Variants in SLC7A11 observed in about 807,000 individuals in gnomAD.
The protein encoded by SLC7A11 is solute carrier family 7 member 11.
In SLC7A11, 35 loss-of-function variants were observed where a neutral mutation model predicts 54.5. That is an observed-to-expected ratio of 0.64 (90% CI 0.49 to 0.85). The LOEUF (loss-of-function observed/expected upper bound fraction) is 0.85. Among genes scored for constraint, SLC7A11 ranks in the 40% least tolerant of loss-of-function variants. The probability of loss-of-function intolerance (pLI) is 0.00; values close to 1 mark genes in which losing one functional copy is unlikely to be tolerated. For synonymous variants in SLC7A11, 230 were observed against 225.2 expected (o/e 1.02, Z -0.19); for missense variants, 583 against 618.1 (o/e 0.94, Z 0.60).
At chr4:138,208,091 C>T (rs367929337) in intron 6 of SLC7A11, among the ~76,000 whole-genome samples, 4 of 152,016 alleles carry the variant, frequency 2.6e-5, no homozygotes, top group African/African-American at 7.2e-5. Flanking sequence ...TTCACTTCTT[C>T]GAGGTTTTCA....
rs1327926264 is a variant in SLC7A11 at position 138,236,395 on chromosome 4, T to C, written c.334A>G (p.Thr112Ala). ...TTIKKSGGHY[T>A]YILEVFGPLP... ...GGACCAAAGACTTCCAAAATATATG[T>C]GTAATGACCTCCAGATTTCTTTATA... The change falls in exon 2 of 12, where the codon ACA becomes GCA. Residue 112 changes from threonine (T) to alanine (A), a missense_variant. Physicochemically the swap from Thr to Ala is moderately conservative, Grantham distance 58 (BLOSUM62 0). Coordinates refer to ENST00000280612, the MANE Select transcript of SLC7A11 (RefSeq NM_014331.4). 1 of 1,613,060 alleles carries C rather than the reference T, an allele frequency of 6.2e-7. No homozygotes were observed. Among genetic ancestry groups the C allele is most frequent in the Non-Finnish European group, 8.5e-7 (1 of 1,179,302 alleles).
At chr4:138,182,851 G>A (rs1736780454) in intron 8 of SLC7A11, among the ~76,000 whole-genome samples, 1 of 152,082 alleles carries the variant, frequency 6.6e-6, no homozygotes, top group Non-Finnish European at 1.5e-5. Context: ...AGGAAATACT[G>A]ATGGTAGGGG....
intron 4 of SLC7A11, among the ~76,000 whole-genome samples, chr4:138,219,859 T>C (rs1051275928): frequency 2.6e-5 from 4 of 152,180 alleles, no homozygotes; most frequent in Non-Finnish European, 4.4e-5. Flanking sequence ...TTATCCCATG[T>C]TGTTCATTAG....
intron 6 of SLC7A11, among the ~76,000 whole-genome samples, chr4:138,198,210 C>A (rs1416407077): frequency 1.3e-5 from 2 of 151,440 alleles, no homozygotes; most frequent in Non-Finnish European, 2.9e-5. Flanking sequence ...ATTTGCAGAT[C>A]ATAATAGCAA....
chr4:138,196,950 G>A (rs1737152665), intron 6 of SLC7A11, among the ~76,000 whole-genome samples: 2 of 152,162 alleles, frequency 1.3e-5, no homozygotes, highest in African/African-American at 4.8e-5. Context: ...GTGAGCCACC[G>A]TGCCTGGCAA....
chr4:138,191,660 TATTC>T (rs889446149), intron 6 of SLC7A11, among the ~76,000 whole-genome samples: 10 of 152,182 alleles, frequency 6.6e-5, no homozygotes, highest in African/African-American at 2.4e-4. Flanking sequence ...CAGTTTTATC[TATTC>T]ATTATTTTTA....
rs995810534 is a variant in SLC7A11 at position 138,165,109 on chromosome 4, T to C, written c.*6847A>G. Reference sequence around the variant, plus strand: ...AACATAACAACACACATATTATTTTTCTACCCCTTGGCAACTGAAAATGAA... The same window carrying C: ...AACATAACAACACACATATTATTTTCCTACCCCTTGGCAACTGAAAATGAA... On this transcript the variant is annotated 3_prime_UTR_variant, in exon 12 of 12. Transcript: ENST00000280612. The C allele has an allele frequency of 3.9e-5, 6 of 152,592 alleles. No homozygotes were observed. The highest frequency in any genetic ancestry group is 5.9e-5 in the Non-Finnish European group (4 of 68,002). The allele number at this position is 152,592 out of a possible 1,614,324, so 9.5% of individuals were successfully genotyped here.
chr4:138,239,316 G>T (rs1040015247), intron 1 of SLC7A11, among the ~76,000 whole-genome samples: 1 of 152,004 alleles, frequency 6.6e-6, no homozygotes, highest in Non-Finnish European at 1.5e-5. Context: ...AAGGTCTCAA[G>T]CTTCATAACC....
chr4:138,208,029 C>CTGGTTGA (rs1199560284), intron 6 of SLC7A11, among the ~76,000 whole-genome samples: 1 of 152,076 alleles, frequency 6.6e-6, no homozygotes, highest in Non-Finnish European at 1.5e-5. Context: ...GTAGACCAAT[C>CTGGTTGA]TGGTTGATCA....
At chr4:138,233,634 T>C (rs974573284) in intron 2 of SLC7A11, among the ~76,000 whole-genome samples, 1 of 152,180 alleles carries the variant, frequency 6.6e-6, no homozygotes, top group African/African-American at 2.4e-5. Flanking sequence ...GAGAGCGGCA[T>C]AAGGTTTTTC....
At chr4:138,239,518 G>C (rs1207125836) in intron 1 of SLC7A11, among the ~76,000 whole-genome samples, 1 of 152,138 alleles carries the variant, frequency 6.6e-6, no homozygotes, top group African/African-American at 2.4e-5. Context: ...CTGTTACAGA[G>C]GCACTCCTGT....
intron 11 of SLC7A11, chr4:138,175,594 G>A (rs951072188): frequency 6.6e-6 from 1 of 152,154 alleles, no homozygotes; most frequent in African/African-American, 2.4e-5. Flanking sequence ...CTCTGTCACA[G>A]ATGGCAGAAA....
Position 138,232,281 on chromosome 4 carries a change from G to A in SLC7A11, c.506C>T (p.Thr169Ile), listed in dbSNP as rs1407745821. The A allele has an allele frequency of 1.2e-6, 2 of 1,603,646 alleles. No homozygotes were observed. The highest frequency in any genetic ancestry group is 1.3e-5 in the African/African-American group (1 of 74,832). Residue 169 changes from threonine to isoleucine, a missense_variant, in exon 3 of 12, where the codon ACA becomes ATA. Physicochemically the swap from Thr to Ile is moderately conservative, Grantham distance 89. Coordinates refer to ENST00000280612, the MANE Select transcript of SLC7A11 (RefSeq NM_014331.4). ...ATAATACTCACTTATGCCCACAGCT[G>A]TAATGAGCTTGATCGCAAGTTCAGG... Reference protein sequence around the residue: ...EIPELAIKLITAVGITVVMVL... With the variant: ...EIPELAIKLIIAVGITVVMVL...
intron 6 of SLC7A11, among the ~76,000 whole-genome samples, chr4:138,200,193 A>G (rs2148427029): frequency 6.6e-6 from 1 of 152,282 alleles, no homozygotes; most frequent in South Asian, 2.1e-4. Flanking sequence ...AAAATTAAAT[A>G]TTGCCTCCAC....
chr4:138,202,600 G>A (rs1237986673), intron 6 of SLC7A11, among the ~76,000 whole-genome samples: 1 of 151,902 alleles, frequency 6.6e-6, no homozygotes, highest in Non-Finnish European at 1.5e-5. Context: ...CCACCCTTCA[G>A]CCATGCTCCC....
chr4:138,204,095 C>A (rs1421529777), intron 6 of SLC7A11, among the ~76,000 whole-genome samples: 1 of 152,072 alleles, frequency 6.6e-6, no homozygotes, highest in African/African-American at 2.4e-5. Flanking sequence ...CTCCAACTTT[C>A]TTTTCCATAG....
At chr4:138,213,229 T>C (rs1044317170) in intron 6 of SLC7A11, among the ~76,000 whole-genome samples, 1 of 152,090 alleles carries the variant, frequency 6.6e-6, no homozygotes, top group Admixed American at 6.6e-5. Context: ...CATAAATTGG[T>C]CATATTTCTT....
chr4:138,165,606 T>G lies in SLC7A11; in HGVS notation c.*6350A>C, dbSNP rs577819298. On this transcript the variant is annotated 3_prime_UTR_variant, in exon 12 of 12. Coordinates refer to ENST00000280612, the MANE Select transcript of SLC7A11 (RefSeq NM_014331.4). ...GAAGTTCTAGTGAAAAGTCATACTA[T>G]TGTGCAAAGATGAAAATTTGGAGCC... The G allele has an allele frequency of 6.6e-6, 1 of 152,142 alleles. No homozygotes were observed. Among genetic ancestry groups the G allele is most frequent in the African/African-American group, 2.4e-5 (1 of 41,446 alleles). 9.4% of individuals were successfully genotyped at this position (152,142 alleles called of 1,614,324 possible).
intron 1 of SLC7A11, among the ~76,000 whole-genome samples, chr4:138,239,578 A>C (rs1738327569): frequency 6.6e-6 from 1 of 152,224 alleles, no homozygotes; most frequent in African/African-American, 2.4e-5. Flanking sequence ...AATAAAGATA[A>C]GTAGATTAAT....
Sources: gnomAD v4.1 joint callset for allele counts (sites outside exome capture counted in the v4.1 genomes callset) on GRCh38, gnomAD v4.1.1 for gene constraint, MANE v1.5 for transcripts, NCBI Gene and HGNC (gene_info 2026-07-23, HGNC 2026-07-21) for gene names.